Variants in MSI2 observed in about 807,000 individuals in gnomAD.
The protein encoded by MSI2 is RNA-binding protein Musashi homolog 2.
Under a neutral mutation model 45.6 loss-of-function variants are expected in MSI2, and 17 were observed. The observed-to-expected ratio is 0.37, with a 90% confidence interval of 0.26 to 0.56. The LOEUF (loss-of-function observed/expected upper bound fraction) is 0.56. MSI2 is among the 20% of genes least tolerant of loss of function. MSI2 has a pLI of 0.77. For synonymous variants in MSI2, 156 were observed against 158.2 expected, an observed-to-expected ratio of 0.99 and a Z score of 0.11; for missense variants, 293 against 444.2, an observed-to-expected ratio of 0.66 and a Z score of 3.06.
intron 7 of MSI2, among the ~76,000 whole-genome samples, chr17:57,564,966 G>A (rs564764802): frequency 3.6e-4 from 55 of 152,270 alleles, no homozygotes; most frequent in Non-Finnish European, 7.1e-4. Flanking sequence ...AACAACAGCC[G>A]TTTATGGGGC....
intron 6 of MSI2, among the ~76,000 whole-genome samples, chr17:57,464,017 GTGTA>G (rs1424780505): frequency 0.023 from 3,310 of 142,470 alleles, 54 homozygotes; most frequent in Middle Eastern, 0.036. Context: ...GTGTGTGTGT[GTGTA>G]TGTGTGTGTG....
At chr17:57,421,336 A>G (rs2084391843) in intron 6 of MSI2, among the ~76,000 whole-genome samples, 1 of 152,184 alleles carries the variant, frequency 6.6e-6, no homozygotes, top group East Asian at 1.9e-4. Context: ...CCAGCTGTAG[A>G]TAGTTACAGC....
chr17:57,340,035 G>C (rs776108082), intron 5 of MSI2, among the ~76,000 whole-genome samples: 1 of 152,206 alleles, frequency 6.6e-6, no homozygotes, highest in East Asian at 1.9e-4. Context: ...CTGGGCTCAA[G>C]TGTGGGTTCC....
intron 6 of MSI2, among the ~76,000 whole-genome samples, chr17:57,425,683 G>T (rs550733245): frequency 3.3e-5 from 5 of 152,258 alleles, no homozygotes; most frequent in African/African-American, 9.6e-5. Flanking sequence ...TCATTGTTTG[G>T]TATTATAGCC....
At chr17:57,429,860 A>C (rs1346746721) in intron 6 of MSI2, among the ~76,000 whole-genome samples, 1 of 152,180 alleles carries the variant, frequency 6.6e-6, no homozygotes, top group African/African-American at 2.4e-5. Flanking sequence ...CAGTTGTCAC[A>C]CTGGTGATGA....
intron 5 of MSI2, among the ~76,000 whole-genome samples, chr17:57,396,189 C>G (rs1274330114): frequency 6.6e-6 from 1 of 152,142 alleles, no homozygotes; most frequent in Non-Finnish European, 1.5e-5. Context: ...TCTCCAGAGC[C>G]ATTTCCTGCC....
At chr17:57,672,785 G>A (rs1406074366) in intron 11 of MSI2, among the ~76,000 whole-genome samples, 1 of 147,758 alleles carries the variant, frequency 6.8e-6, no homozygotes, top group Non-Finnish European at 1.5e-5. Flanking sequence ...GTTTTCCTGA[G>A]CTCAGAAGAA....
At chr17:57,290,189 C>T (rs1336422297) in intron 5 of MSI2, among the ~76,000 whole-genome samples, 1 of 152,216 alleles carries the variant, frequency 6.6e-6, no homozygotes, top group Non-Finnish European at 1.5e-5. Flanking sequence ...AGTAATAGTA[C>T]CTACTCTGGG....
chr17:57,583,254 A>G (rs555926491), intron 7 of MSI2, among the ~76,000 whole-genome samples: 1 of 152,220 alleles, frequency 6.6e-6, no homozygotes, highest in East Asian at 1.9e-4. Flanking sequence ...GTTACCTGTA[A>G]ACAGCACAAG....
chr17:57,342,132 A>G (rs1278412267), intron 5 of MSI2, among the ~76,000 whole-genome samples: 1 of 152,230 alleles, frequency 6.6e-6, no homozygotes, highest in Non-Finnish European at 1.5e-5. Flanking sequence ...ATTGAATAGG[A>G]TGGCCCCGTA....
intron 5 of MSI2, among the ~76,000 whole-genome samples, chr17:57,306,776 G>A (rs189986161): frequency 1.3e-5 from 2 of 151,992 alleles, no homozygotes; most frequent in East Asian, 1.9e-4. Context: ...TTGGAGTTTC[G>A]CTCTTGTCGC....
At chr17:57,393,099 T>G (rs1347154170) in intron 5 of MSI2, among the ~76,000 whole-genome samples, 1 of 152,170 alleles carries the variant, frequency 6.6e-6, no homozygotes, top group African/African-American at 2.4e-5. Flanking sequence ...TCTCTACAGA[T>G]TTCCCTATTA....
At position 57,256,802 on chromosome 17, in the gene MSI2, CG is replaced by C; in HGVS notation, c.62+1del. The C allele has an allele frequency of 6.8e-7, 1 of 1,473,486 alleles. No individual in the cohort carries two copies. Among genetic ancestry groups the C allele is most frequent in the Non-Finnish European group, 9.0e-7 (1 of 1,114,336 alleles). 91.3% of individuals were successfully genotyped at this position (1,473,486 alleles called of 1,614,324 possible). A position where few individuals can be genotyped will look rare whatever the true frequency, so the allele number is the denominator to read the frequency against. On this transcript the variant is annotated frameshift_variant and splice_region_variant, in exon 1 of 14. Coordinates refer to ENST00000284073, the MANE Select transcript of MSI2 (RefSeq NM_138962.4). LOFTEE classifies it high-confidence loss of function. Reference sequence around the variant, plus strand: ...GCGCCAACGACTCCCAGCACGACCCCGGGTAAGTTTCCAGCCGCTGCCCACC... The same window carrying C: ...GCGCCAACGACTCCCAGCACGACCCCGGTAAGTTTCCAGCCGCTGCCCACC... ...GSANDSQHDP[G>X]KMFIGGLSWQ...
intron 6 of MSI2, among the ~76,000 whole-genome samples, chr17:57,409,844 TA>T (rs770326818): frequency 3.1e-4 from 47 of 151,818 alleles, no homozygotes; most frequent in Non-Finnish European, 6.0e-4. Flanking sequence ...CTGTCTCTAC[TA>T]AAAATACAAA....
chr17:57,591,548 AC>A (rs1258790165), intron 7 of MSI2, among the ~76,000 whole-genome samples: 1 of 151,394 alleles, frequency 6.6e-6, no homozygotes, highest in East Asian at 1.9e-4. Context: ...ACATGGTGAA[AC>A]CCCATCTCTA....
the MSI2 span, among the ~76,000 whole-genome samples, chr17:57,694,367 C>A: frequency 1.3e-5 from 2 of 152,252 alleles, no homozygotes; most frequent in East Asian, 3.9e-4. Flanking sequence ...TCACTCTTAG[C>A]CTTAGGCCTT....
At position 57,683,706 on chromosome 17, in the gene MSI2, C is replaced by A. The variant is rs1025189582; in HGVS notation, c.*4189C>A. On this transcript the variant is annotated 3_prime_UTR_variant, in exon 14 of 14. Transcript: ENST00000284073. The surrounding 1 kb of genome is among the most constrained non-coding windows in gnomAD (Gnocchi z 5.2). ...TTTTTTTTTTCTTGAATGTGCTTCG[C>A]AAGCCAGGCTATCTTCCAAGGAAGG... 1 of 227,722 alleles carries A rather than the reference C, an allele frequency of 4.4e-6. No individual in the cohort carries two copies. Among genetic ancestry groups the A allele is most frequent in the Non-Finnish European group, 8.6e-6 (1 of 115,658 alleles). 14.1% of individuals were successfully genotyped at this position (227,722 alleles called of 1,614,324 possible).
At position 57,500,443 on chromosome 17, in the gene MSI2, A is replaced by C. The variant is rs140762522; in HGVS notation, c.406-29233A>C. On this transcript the variant is annotated intron_variant, in intron 6 of 13. Transcript: ENST00000284073. ...CTCTCTCATATAGACTCTTGGGTGCAGGGAGGGAAGAGCCAGGTGGGGTGG... is the reference window on the plus strand; with the variant it reads ...CTCTCTCATATAGACTCTTGGGTGCCGGGAGGGAAGAGCCAGGTGGGGTGG... 6.3e-3 allele frequency among the ~76,000 whole-genome samples: 934 copies of C among 148,524 alleles called. 9 individuals are homozygous for C. The highest frequency in any genetic ancestry group is 0.022 in the African/African-American group (901 of 40,094).
In MSI2 at chr17:57,596,004, A is replaced by T. The variant is rs1905216012; in HGVS notation, c.455-864A>T. Among the ~76,000 whole-genome samples the T allele has an allele frequency of 6.6e-6, 1 of 152,224 alleles. No individual in the cohort carries two copies. Among genetic ancestry groups the T allele is most frequent in the Non-Finnish European group, 1.5e-5 (1 of 68,040 alleles). ...GCTCCCTCGCCATGTTAACGCTACC[A>T]TGTGGCAGCTGCATCCCATCCAAGG... On this transcript the variant is annotated intron_variant, in intron 7 of 13. Coordinates refer to ENST00000284073, the MANE Select transcript of MSI2 (RefSeq NM_138962.4). The surrounding 1 kb of genome is among the most constrained non-coding windows in gnomAD (Gnocchi z 4.6).
Sources: allele counts gnomAD v4.1 joint callset (sites outside exome capture counted in the v4.1 genomes callset), GRCh38; gene constraint gnomAD v4.1.1; non-coding constraint Gnocchi (gnomAD v3.1); transcripts MANE v1.5; gene names NCBI Gene and HGNC (gene_info 2026-07-23, HGNC 2026-07-21).